SPEF2: variants seen among roughly 807,000 people sequenced by gnomAD.
SPEF2 encodes sperm flagellar and cilia associated 2.
Under a neutral mutation model 224.6 loss-of-function variants are expected in SPEF2, and 187 were observed. The ratio of observed to expected loss-of-function variants is 0.83; its 90% CI spans 0.74 to 0.94. The LOEUF (loss-of-function observed/expected upper bound fraction) is 0.94. SPEF2 is among the 40% of genes least tolerant of loss of function. The pLI is 0.00. For missense variants in SPEF2, 2,170 were observed against 2,135.6 expected, an observed-to-expected ratio of 1.02 and a Z score of -0.32; for synonymous variants, 715 against 707.3, an observed-to-expected ratio of 1.01 and a Z score of -0.17.
intron 17 of SPEF2, among the ~76,000 whole-genome samples, chr5:35,705,332 C>G (rs142656180): frequency 3.0e-4 from 46 of 152,084 alleles, no homozygotes; most frequent in African/African-American, 7.0e-4. Context: ...TAGCTACCAT[C>G]CGAAGAGAGT....
At chr5:35,762,585 C>A (rs1018037166) in intron 25 of SPEF2, among the ~76,000 whole-genome samples, 1 of 152,166 alleles carries the variant, frequency 6.6e-6, no homozygotes, top group African/African-American at 2.4e-5. Context: ...CTTGAGTCTA[C>A]AAAACCAAAT....
At chr5:35,710,238 G>A (rs1740818866) in intron 19 of SPEF2, 2 of 984,860 alleles carry the variant, frequency 2.0e-6, no homozygotes, top group South Asian at 4.7e-5. Flanking sequence ...GGAGGAAAAT[G>A]GAAATATTTA....
rs182431168 is a variant in SPEF2 at position 35,740,186 on chromosome 5, A to G, written c.3249A>G (p.Gln1083=). 152 of 1,614,136 alleles carry G rather than the reference A, an allele frequency of 9.4e-5. 1 individual carries two copies. The Middle Eastern group carries it at 1.3e-3, about 14-fold the overall frequency. Residue 1083 remains glutamine, a synonymous_variant, in exon 23 of 37, where the codon CAA becomes CAG. Transcript: ENST00000356031. The part of the protein sequence containing the change: ...RPDHKQDFVA[Q]WQADFNSLPD... ...ATCACAAGCAAGATTTTGTAGCTCA[A>G]TGGCAGGCTGATTTCAACTCCCTTC...
chr5:35,645,615 G>A (rs1580103681), intron 4 of SPEF2, among the ~76,000 whole-genome samples: 1 of 152,262 alleles, frequency 6.6e-6, no homozygotes, highest in East Asian at 1.9e-4. Flanking sequence ...TTAAAGTAGT[G>A]TTTAAGTTGA....
At chr5:35,653,517 T>G (rs1416269824) in intron 6 of SPEF2, among the ~76,000 whole-genome samples, 1 of 152,210 alleles carries the variant, frequency 6.6e-6, no homozygotes, top group Non-Finnish European at 1.5e-5. Flanking sequence ...GGTCTGCTGT[T>G]GCGAGCTGTG....
At chr5:35,633,090 G>A (rs1267915349) in intron 2 of SPEF2, 1 of 152,114 alleles carries the variant, frequency 6.6e-6, no homozygotes, top group East Asian at 1.9e-4. Context: ...ATATGCACTT[G>A]AAGAGAATGT....
chr5:35,704,816 A>G (rs1377243231), intron 17 of SPEF2, among the ~76,000 whole-genome samples, 154 bp downstream of exon 17: 2 of 152,130 alleles, frequency 1.3e-5, no homozygotes, highest in Non-Finnish European at 2.9e-5. Context: ...CAATAAGTGA[A>G]ATATTTATGT....
In SPEF2 at chr5:35,660,678, A is replaced by G. The variant is rs78005242; in HGVS notation, c.1167+1471A>G. Among the ~76,000 whole-genome samples the G allele has an allele frequency of 1.6e-3, 244 of 152,324 alleles. 2 individuals carry two copies. Among genetic ancestry groups the G allele is most frequent in the African/African-American group, 5.7e-3 (238 of 41,572 alleles). The stretch of plus-strand genomic sequence containing the variant: ...CATCTCTCTTCTTTGGCAACAATAG[A>G]CTTGACTAGACTGAGTGGCATTTAC... On this transcript the variant is annotated intron_variant, in intron 8 of 36. Coordinates refer to ENST00000356031, the MANE Select transcript of SPEF2 (RefSeq NM_024867.4).
chr5:35,802,425 G>T (rs190855245), intron 34 of SPEF2, among the ~76,000 whole-genome samples: 94 of 152,210 alleles, frequency 6.2e-4, no homozygotes, highest in Admixed American at 5.0e-3. Context: ...CTCGATTCGG[G>T]GGTATGGCAG....
chr5:35,739,652 A>G (rs1428001623), intron 21 of SPEF2, among the ~76,000 whole-genome samples: 1 of 152,138 alleles, frequency 6.6e-6, no homozygotes, highest in African/African-American at 2.4e-5. Context: ...AAGTGCTGGG[A>G]TTACAGGCAT....
rs193286085 is a variant in SPEF2, at chr5:35,627,803, C to T, written c.59-657C>T. 1.7e-3 allele frequency among the ~76,000 whole-genome samples: 252 copies of T among 152,216 alleles called. 1 individual carries two copies. Among genetic ancestry groups the T allele is most frequent in the Non-Finnish European group, 1.4e-3 (92 of 68,026 alleles). ...CAGGAAGATGAAGCAGCTTGCCCAA[C>T]GTCACACAGCTAGTAAGGGGCAGAG... On this transcript the variant is annotated intron_variant, in intron 1 of 36. Coordinates refer to ENST00000356031, the MANE Select transcript of SPEF2 (RefSeq NM_024867.4).
Position 35,814,557 on chromosome 5 carries a change from C to T in SPEF2, c.*4C>T, listed in dbSNP as rs1196288302. 2 of 1,571,712 alleles carry T rather than the reference C, an allele frequency of 1.3e-6. No homozygotes were observed. The highest frequency in any genetic ancestry group is 1.7e-6 in the Non-Finnish European group (2 of 1,154,714). ...ACATACAGAGGAAAAGAAATGAAGA[C>T]AAAAGAGTGTGATTTTTTTAATTCT... On this transcript the variant is annotated 3_prime_UTR_variant, in exon 37 of 37. Coordinates refer to ENST00000356031, the MANE Select transcript of SPEF2 (RefSeq NM_024867.4).
At chr5:35,738,327 T>C (rs1747001046) in intron 21 of SPEF2, among the ~76,000 whole-genome samples, 1 of 151,948 alleles carries the variant, frequency 6.6e-6, no homozygotes, top group Non-Finnish European at 1.5e-5. Context: ...GGTTTTCTTC[T>C]AGGGTTTTTA....
chr5:35,767,575 A>T (rs1373863828), intron 26 of SPEF2, among the ~76,000 whole-genome samples: 1 of 152,164 alleles, frequency 6.6e-6, no homozygotes, highest in Non-Finnish European at 1.5e-5. Context: ...CATGGGGGGA[A>T]GATGAAATTT....
chr5:35,797,336 G>C (rs1384535113), intron 33 of SPEF2, among the ~76,000 whole-genome samples: 18 of 151,682 alleles, frequency 1.2e-4, no homozygotes, highest in East Asian at 1.9e-4. Context: ...GTGTGTGTGT[G>C]TGTGTGTGTG....
At chr5:35,659,290 G>T in intron 8 of SPEF2, 83 bp downstream of exon 8, 1 of 1,336,950 alleles carries the variant, frequency 7.5e-7, no homozygotes, top group South Asian at 1.5e-5. Flanking sequence ...GCTATATTTT[G>T]TTGCCAATCA....
chr5:35,667,921 G>T (rs558639645), intron 9 of SPEF2, among the ~76,000 whole-genome samples: 5 of 152,104 alleles, frequency 3.3e-5, no homozygotes, highest in Admixed American at 1.3e-4. Context: ...ATTCACCCTT[G>T]TTAGTCATTA....
chr5:35,751,099 A>G (rs1278010117), intron 23 of SPEF2, among the ~76,000 whole-genome samples: 2 of 107,984 alleles, frequency 1.9e-5, no homozygotes, highest in Non-Finnish European at 3.6e-5. Flanking sequence ...ACACACACAT[A>G]TATATATATA....
chr5:35,679,041 G>A (rs1298124910), intron 10 of SPEF2, among the ~76,000 whole-genome samples: 1 of 152,200 alleles, frequency 6.6e-6, no homozygotes, highest in African/African-American at 2.4e-5. Flanking sequence ...TGGAAGAGAT[G>A]ACAACAGAGG....
Sources: gnomAD v4.1 joint callset for allele counts (sites outside exome capture counted in the v4.1 genomes callset) on GRCh38, gnomAD v4.1.1 for gene constraint, MANE v1.5 for transcripts, NCBI Gene and HGNC (gene_info 2026-07-23, HGNC 2026-07-21) for gene names.